The following LRFN5 variants were observed in gnomAD, a reference collection of about 807,000 sequenced individuals.
LRFN5 encodes the protein leucine rich repeat and fibronectin type III domain containing 5.
Under a neutral mutation model 45.6 loss-of-function variants are expected in LRFN5, and 24 were observed. That is an observed-to-expected ratio of 0.53 (90% CI 0.38 to 0.74). The LOEUF (loss-of-function observed/expected upper bound fraction) is 0.74, where lower values mean the gene tolerates loss of function less well. Ranked by LOEUF, LRFN5 falls within the 30% of genes least tolerant of loss-of-function variation. The pLI is 0.00. For missense variants in LRFN5, 776 were observed against 861.5 expected (o/e 0.90, Z 1.24); for synonymous variants, 340 against 313.8 (o/e 1.08, Z -0.88).
In LRFN5 at chr14:41,891,865, C is replaced by T; in HGVS notation, c.2001C>T (p.Asn667=). 5.0e-6 allele frequency: 8 copies of T among 1,614,186 alleles called. No homozygotes were observed. Among genetic ancestry groups the T allele is most frequent in the Non-Finnish European group, 6.8e-6 (8 of 1,180,032 alleles). The change falls in exon 4 of 6, where the codon AAC becomes AAT. Residue 667 remains asparagine, a synonymous_variant. Coordinates refer to ENST00000298119, the MANE Select transcript of LRFN5 (RefSeq NM_152447.5). The stretch of plus-strand genomic sequence containing the variant: ...CCGTCACAAATGTTGAATCCCAAAA[C>T]ACTAACAGGAACAACTCAACTGCCT... ...NEAVTNVESQ[N]TNRNNSTALQ...
rs1450291022 is a variant in LRFN5, at chr14:41,637,166, G to T, written c.-197+28604G>T. ...AGAACTACAAACAAGAAAGAGGGGA[G>T]AATTGGGTTAGTTCAAGGTCACCCA... On this transcript the variant is annotated intron_variant, in intron 1 of 5. Coordinates refer to ENST00000298119, the MANE Select transcript of LRFN5 (RefSeq NM_152447.5). 9.9e-5 allele frequency among the ~76,000 whole-genome samples: 15 copies of T among 152,094 alleles called. 2 individuals are homozygous for T. Among genetic ancestry groups the T allele is most frequent in the Admixed American group, 9.8e-4 (15 of 15,254 alleles).
chr14:41,856,659 AATT>A (rs1377101488), intron 2 of LRFN5, among the ~76,000 whole-genome samples: 13 of 49,744 alleles, frequency 2.6e-4, no homozygotes, highest in South Asian at 1.0e-3. Context: ...TTTCTTTCCT[AATT>A]ATTATTATTA....
At chr14:41,900,104 T>C (rs937060631) in intron 5 of LRFN5, among the ~76,000 whole-genome samples, 13 of 152,100 alleles carry the variant, frequency 8.5e-5, no homozygotes, top group East Asian at 3.8e-4. Context: ...CTTTCATTTT[T>C]AAAGTTCATT....
intron 1 of LRFN5, among the ~76,000 whole-genome samples, chr14:41,702,650 A>G (rs1314266933): frequency 1.3e-5 from 2 of 151,430 alleles, no homozygotes; most frequent in Non-Finnish European, 1.5e-5. Flanking sequence ...TATTTTTTTG[A>G]GATGGGGTTT....
At chr14:41,801,326 T>C (rs990934682) in intron 2 of LRFN5, among the ~76,000 whole-genome samples, 2 of 152,172 alleles carry the variant, frequency 1.3e-5, no homozygotes, top group Non-Finnish European at 2.9e-5. Flanking sequence ...CAACTAATGA[T>C]AGGGATTCAA....
In LRFN5 at chr14:41,781,614, A is replaced by AAGAAAGAG. The variant is rs1886515570; in HGVS notation, c.-21+14588_-21+14589insAAGAGAGA. Among the ~76,000 whole-genome samples, 5 of 88,172 alleles carry AAGAAAGAG rather than the reference A, an allele frequency of 5.7e-5. 1 individual carries two copies. Among genetic ancestry groups the AAGAAAGAG allele is most frequent in the Non-Finnish European group, 1.1e-4 (5 of 43,946 alleles). The allele number at this position is 88,172 out of a possible 152,430, so 57.8% of individuals were successfully genotyped here. On this transcript the variant is annotated intron_variant, in intron 2 of 5. Transcript: ENST00000298119. The stretch of plus-strand genomic sequence containing the variant: ...AAAGAAAGAAAGAAAGAAAGAAAGA[A>AAGAAAGAG]AGAGAAAGAAAGAAAGAAAGGAAAG...
chr14:41,861,195 T>A (rs1404696872), intron 2 of LRFN5, among the ~76,000 whole-genome samples: 1 of 152,206 alleles, frequency 6.6e-6, no homozygotes, highest in African/African-American at 2.4e-5. Context: ...AACACCCTAT[T>A]TTTCATCAAA....
intron 1 of LRFN5, among the ~76,000 whole-genome samples, chr14:41,766,010 A>G (rs564539880): frequency 6.6e-6 from 1 of 152,162 alleles, no homozygotes; most frequent in Non-Finnish European, 1.5e-5. Flanking sequence ...TTGCTGTTTC[A>G]TCTTAGGTCT....
rs1888968152 is a variant in LRFN5 at position 41,844,199 on chromosome 14, A to T, written c.-20-42407A>T. 2.0e-5 allele frequency among the ~76,000 whole-genome samples: 3 copies of T among 152,176 alleles called. 1 individual carries two copies. Among genetic ancestry groups the T allele is most frequent in the Middle Eastern group, 6.3e-3 (2 of 316 alleles). On this transcript the variant is annotated intron_variant, in intron 2 of 5. Transcript: ENST00000298119. ...ACGCCTGTAATCCTAACACTTTGGG[A>T]GGCCAAGGTGGGCGGATCACGAGGT...
chr14:41,704,014 A>AC (rs1171856639), intron 1 of LRFN5, among the ~76,000 whole-genome samples: 1 of 152,068 alleles, frequency 6.6e-6, no homozygotes, highest in Non-Finnish European at 1.5e-5. Context: ...AGAATTTTTT[A>AC]CCCTGTCAAT....
chr14:41,712,300 A>G (rs951374310), intron 1 of LRFN5, among the ~76,000 whole-genome samples: 2 of 110,066 alleles, frequency 1.8e-5, no homozygotes, highest in African/African-American at 3.3e-5. Flanking sequence ...AGTGGCTTAC[A>G]CCTATAATCC....
chr14:41,711,697 A>G (rs1883290677), intron 1 of LRFN5, among the ~76,000 whole-genome samples: 1 of 152,190 alleles, frequency 6.6e-6, no homozygotes, highest in Non-Finnish European at 1.5e-5. Flanking sequence ...TAAAAAGAAG[A>G]TTCCGTTTCA....
In LRFN5 at chr14:41,742,419, T is replaced by C. The variant is rs1473099212; in HGVS notation, c.-196-24435T>C. 1.5e-4 allele frequency among the ~76,000 whole-genome samples: 22 copies of C among 150,136 alleles called. 1 individual carries two copies. In the East Asian group the frequency reaches 4.4e-3, roughly 30 times the overall value. Reference sequence around the variant, plus strand: ...ACATGGCTGGAACTGGAGGAATTTATACTAAGTGAATTCAGCCAGTCATAG... The same window carrying C: ...ACATGGCTGGAACTGGAGGAATTTACACTAAGTGAATTCAGCCAGTCATAG... On this transcript the variant is annotated intron_variant, in intron 1 of 5. Coordinates refer to ENST00000298119, the MANE Select transcript of LRFN5 (RefSeq NM_152447.5).
At chr14:41,737,248 A>G (rs1445810428) in intron 1 of LRFN5, among the ~76,000 whole-genome samples, 1 of 152,200 alleles carries the variant, frequency 6.6e-6, no homozygotes, top group Non-Finnish European at 1.5e-5. Context: ...CAATGGCAAA[A>G]AACACATGAT....
intron 1 of LRFN5, among the ~76,000 whole-genome samples, chr14:41,744,775 T>G (rs750465167): frequency 5.9e-5 from 9 of 152,094 alleles, no homozygotes; most frequent in African/African-American, 9.7e-5. Flanking sequence ...AACTTTAAAT[T>G]TATAAAGCTT....
intron 1 of LRFN5, among the ~76,000 whole-genome samples, chr14:41,655,408 GA>G (rs1341315973): frequency 6.6e-6 from 1 of 151,744 alleles, no homozygotes; most frequent in South Asian, 2.1e-4. Flanking sequence ...ACACCCCTTA[GA>G]AAAAAAGCAT....
chr14:41,744,246 T>A (rs917160540), intron 1 of LRFN5, among the ~76,000 whole-genome samples: 1 of 151,978 alleles, frequency 6.6e-6, no homozygotes, highest in Non-Finnish European at 1.5e-5. Flanking sequence ...TAGTCTTAGC[T>A]ATCAGGAGGC....
chr14:41,837,779 A>C (rs1260783948), intron 2 of LRFN5, among the ~76,000 whole-genome samples: 2 of 152,166 alleles, frequency 1.3e-5, no homozygotes, highest in East Asian at 3.9e-4. Flanking sequence ...AAAATAGCTA[A>C]AATAATTTAT....
chr14:41,814,933 T>A (rs1165827824), intron 2 of LRFN5, among the ~76,000 whole-genome samples: 1 of 151,968 alleles, frequency 6.6e-6, no homozygotes, highest in Non-Finnish European at 1.5e-5. Flanking sequence ...AGAAGAGCAT[T>A]TTAGATTAGA....
Sources: gnomAD v4.1 joint callset for allele counts (sites outside exome capture counted in the v4.1 genomes callset) on GRCh38, gnomAD v4.1.1 for gene constraint, MANE v1.5 for transcripts, NCBI Gene and HGNC (gene_info 2026-07-23, HGNC 2026-07-21) for gene names.